Variants in MRPL1 observed in about 807,000 individuals in gnomAD.
MRPL1 encodes the protein mitochondrial ribosomal protein L1.
In MRPL1, 28 loss-of-function variants were observed where a neutral mutation model predicts 38.0. The ratio of observed to expected loss-of-function variants is 0.74; its 90% CI spans 0.55 to 1.01. The LOEUF (loss-of-function observed/expected upper bound fraction) is 1.01. MRPL1 is among the 50% of genes least tolerant of loss of function. MRPL1 has a pLI of 0.00. For missense variants in MRPL1, 358 were observed against 389.8 expected (o/e 0.92, Z 0.69); for synonymous variants, 123 against 126.7 (o/e 0.97, Z 0.20).
rs192459100 is a variant in MRPL1 at position 77,884,200 on chromosome 4, G to C, written c.402+700G>C. On this transcript the variant is annotated intron_variant, in intron 3 of 8. Coordinates refer to ENST00000315567, the MANE Select transcript of MRPL1 (RefSeq NM_020236.4). Reference sequence around the variant, plus strand: ...TCCTTCAGATGTGTTCCTTGGGGTCGCACCACTGCACTCCAGCCTGGGCGA... The same window carrying C: ...TCCTTCAGATGTGTTCCTTGGGGTCCCACCACTGCACTCCAGCCTGGGCGA... Among the ~76,000 whole-genome samples, 66 of 146,668 alleles carry C rather than the reference G, an allele frequency of 4.5e-4. 1 individual carries two copies. In the East Asian group the frequency reaches 0.013, roughly 29 times the overall value.
chr4:77,935,663 T>TTGGCCTGCCAAA (rs1411652245), intron 7 of MRPL1, among the ~76,000 whole-genome samples: 2 of 152,244 alleles, frequency 1.3e-5, no homozygotes, highest in Non-Finnish European at 2.9e-5. Flanking sequence ...GCCAAAGTGC[T>TTGGCCTGCCAAA]GGGATTACAG....
intron 7 of MRPL1, among the ~76,000 whole-genome samples, chr4:77,942,827 T>A (rs1560476476): frequency 6.6e-6 from 1 of 152,206 alleles, no homozygotes; most frequent in African/African-American, 2.4e-5. Context: ...TCTTATCCAT[T>A]CTGCTATTCT....
intron 7 of MRPL1, among the ~76,000 whole-genome samples, chr4:77,925,353 GT>G (rs1167872567): frequency 1.4e-5 from 2 of 142,602 alleles, no homozygotes; most frequent in Admixed American, 1.4e-4. Context: ...TTTGTTTTTT[GT>G]TTTTTTTTCT....
intron 3 of MRPL1, among the ~76,000 whole-genome samples, chr4:77,884,497 C>T (rs369005421): frequency 2.0e-5 from 3 of 152,288 alleles, no homozygotes; most frequent in Non-Finnish European, 4.4e-5. Context: ...AATGACTAGA[C>T]AGATTAGTTT....
intron 7 of MRPL1, among the ~76,000 whole-genome samples, chr4:77,937,705 T>C (rs1192893500): frequency 3.3e-5 from 5 of 152,204 alleles, no homozygotes; most frequent in Admixed American, 2.0e-4. Context: ...GTGGCCTTAA[T>C]TGTTGGCATC....
At chr4:77,891,467 T>G (rs1735806443) in intron 5 of MRPL1, among the ~76,000 whole-genome samples, 1 of 151,748 alleles carries the variant, frequency 6.6e-6, no homozygotes, top group Non-Finnish European at 1.5e-5. Context: ...GTGATTCTCC[T>G]GCCTCAGCCT....
chr4:77,935,841 A>T (rs1736959010), intron 7 of MRPL1, among the ~76,000 whole-genome samples: 1 of 151,814 alleles, frequency 6.6e-6, no homozygotes, highest in Non-Finnish European at 1.5e-5. Flanking sequence ...CTAAGGCAGG[A>T]GAATCACTTG....
intron 5 of MRPL1, among the ~76,000 whole-genome samples, chr4:77,890,532 A>T (rs1735783352): frequency 6.6e-6 from 1 of 152,212 alleles, no homozygotes; most frequent in Non-Finnish European, 1.5e-5. Context: ...CCAATATCAT[A>T]CTGAATGGGC....
intron 7 of MRPL1, among the ~76,000 whole-genome samples, chr4:77,930,022 A>AT (rs988307629): frequency 6.6e-5 from 10 of 152,318 alleles, no homozygotes; most frequent in African/African-American, 2.2e-4. Flanking sequence ...TGAAAAGTAA[A>AT]TAATAGCAGG....
chr4:77,907,627 T>C (rs1736188023), intron 6 of MRPL1, among the ~76,000 whole-genome samples: 1 of 150,630 alleles, frequency 6.6e-6, no homozygotes, highest in African/African-American at 2.4e-5. Flanking sequence ...TGCAGTGGCA[T>C]GATCTCAGCT....
At chr4:77,869,774 G>A (rs1420033042) in intron 1 of MRPL1, among the ~76,000 whole-genome samples, 1 of 151,998 alleles carries the variant, frequency 6.6e-6, no homozygotes, top group Non-Finnish European at 1.5e-5. Context: ...TGCGTTTTTA[G>A]TAGAGACAGT....
At chr4:77,928,066 A>G (rs1736758632) in intron 7 of MRPL1, among the ~76,000 whole-genome samples, 1 of 152,238 alleles carries the variant, frequency 6.6e-6, no homozygotes, top group South Asian at 2.1e-4. Context: ...GTCCAATTAT[A>G]GGTGAGTATC....
chr4:77,928,568 A>G (rs1736770582), intron 7 of MRPL1, among the ~76,000 whole-genome samples: 1 of 152,204 alleles, frequency 6.6e-6, no homozygotes, highest in Admixed American at 6.5e-5. Flanking sequence ...AGAGAGGAAA[A>G]TAAACTTTAG....
chr4:77,947,846 T>G (rs1560477803), intron 7 of MRPL1, among the ~76,000 whole-genome samples: 1 of 152,214 alleles, frequency 6.6e-6, no homozygotes, highest in Non-Finnish European at 1.5e-5. Flanking sequence ...TACATATATT[T>G]TAAAATTCAG....
intron 6 of MRPL1, among the ~76,000 whole-genome samples, chr4:77,895,168 C>T (rs183458008): frequency 1.1e-4 from 16 of 152,238 alleles, no homozygotes; most frequent in Non-Finnish European, 2.2e-4. Flanking sequence ...GTGACATAAT[C>T]TGTTCTTTAG....
At chr4:77,897,398 A>G (rs1236102823) in intron 6 of MRPL1, among the ~76,000 whole-genome samples, 1 of 152,176 alleles carries the variant, frequency 6.6e-6, no homozygotes, top group Non-Finnish European at 1.5e-5. Flanking sequence ...TAATGGTATC[A>G]GATGTTTATT....
chr4:77,894,190 A>G lies in MRPL1; in HGVS notation c.610A>G (p.Met204Val), dbSNP rs140167148. 6.2e-7 allele frequency: 1 copy of G among 1,608,452 alleles called. No homozygotes were observed. Among genetic ancestry groups the G allele is most frequent in the African/African-American group, 1.3e-5 (1 of 74,574 alleles). The change falls in exon 6 of 9, where the codon ATG becomes GTG. Residue 204 changes from methionine to valine, a missense_variant. By Grantham distance (21) the Met-to-Val change is conservative (BLOSUM62 1). Transcript: ENST00000315567. ...ADFYVAVPEI[M>V]PELNRLRKKL... ...CTTTTACGTAGCTGTTCCAGAAATA[A>G]TGCCTGAACTTAATCGATTAAGGAA...
chr4:77,942,842 CTT>C (rs1407226123), intron 7 of MRPL1, among the ~76,000 whole-genome samples: 1 of 152,130 alleles, frequency 6.6e-6, no homozygotes, highest in Non-Finnish European at 1.5e-5. Context: ...TATTCTGTAT[CTT>C]TTAAGTAGAG....
rs59463838 is a variant in MRPL1 at position 77,931,538 on chromosome 4, G to T, written c.778-18259G>T. Reference sequence around the variant, plus strand: ...TGACAATTCTACTGACGTTAGCAAGGCAACAGTGCTTGTTTTTGTGTGATA... The same window carrying T: ...TGACAATTCTACTGACGTTAGCAAGTCAACAGTGCTTGTTTTTGTGTGATA... On this transcript the variant is annotated intron_variant, in intron 7 of 8. Coordinates refer to ENST00000315567, the MANE Select transcript of MRPL1 (RefSeq NM_020236.4). Among the ~76,000 whole-genome samples the T allele has an allele frequency of 1.7e-4, 26 of 152,294 alleles. No individual in the cohort carries two copies. In the East Asian group the frequency reaches 4.8e-3, roughly 28 times the overall value.
Sources: gnomAD v4.1 joint callset for allele counts (sites outside exome capture counted in the v4.1 genomes callset) on GRCh38, gnomAD v4.1.1 for gene constraint, MANE v1.5 for transcripts, NCBI Gene and HGNC (gene_info 2026-07-23, HGNC 2026-07-21) for gene names.